Variants in WDR72 observed in about 807,000 individuals in gnomAD.
WDR72 encodes the protein WD repeat-containing protein 72.
Under a neutral mutation model 124.2 loss-of-function variants are expected in WDR72, and 120 were observed. That is an observed-to-expected ratio of 0.97 (90% confidence interval 0.83 to 1.12). The LOEUF (loss-of-function observed/expected upper bound fraction) is 1.12, where lower values mean the gene tolerates loss of function less well. Among genes scored for constraint, WDR72 ranks in the 50% most tolerant of loss-of-function variants. The pLI is 0.00. For missense variants in WDR72, 1,387 were observed against 1,278.8 expected (o/e 1.08, Z -1.29); for synonymous variants, 452 against 441.7 (o/e 1.02, Z -0.29).
At position 53,517,772 on chromosome 15, in the gene WDR72, A is replaced by G; in HGVS notation, c.3254-18T>C. 6.2e-7 allele frequency: 1 copy of G among 1,612,162 alleles called. No homozygotes were observed. Among genetic ancestry groups the G allele is most frequent in the Non-Finnish European group, 8.5e-7 (1 of 1,178,564 alleles). On this transcript the variant is annotated intron_variant, in intron 19 of 19. Transcript: ENST00000360509. ...TGGCTCACCTAGGAAAAAAGCAGAT[A>G]TCTTGGGTTATATGGTGAAATCTAA...
At chr15:53,548,859 A>G (rs1166691450) in intron 18 of WDR72, among the ~76,000 whole-genome samples, 1 of 152,172 alleles carries the variant, frequency 6.6e-6, no homozygotes, top group East Asian at 1.9e-4. Flanking sequence ...AGAGATTAGC[A>G]TAGACAGCAA....
At chr15:53,617,307 CAAAGGATATGAACCA>C (rs2013808173) in intron 14 of WDR72, among the ~76,000 whole-genome samples, 1 of 151,170 alleles carries the variant, frequency 6.6e-6, no homozygotes, top group Non-Finnish European at 1.5e-5. Flanking sequence ...AATAAAGTCA[CAAAGGATATGAACCA>C]AAATGTTAAC....
At chr15:53,757,250 A>C (rs2018932758) in intron 1 of WDR72, among the ~76,000 whole-genome samples, 1 of 152,136 alleles carries the variant, frequency 6.6e-6, no homozygotes, top group Admixed American at 6.5e-5. Context: ...GAATCTACAA[A>C]GCTTAACAAC....
intron 18 of WDR72, among the ~76,000 whole-genome samples, chr15:53,571,026 A>C (rs1159751261): frequency 1.3e-5 from 2 of 152,060 alleles, no homozygotes; most frequent in African/African-American, 4.8e-5. Context: ...GCCAAATACT[A>C]CAAATTAACT....
chr15:53,556,019 A>G (rs183639829), intron 18 of WDR72, among the ~76,000 whole-genome samples: 30 of 152,298 alleles, frequency 2.0e-4, no homozygotes, highest in Non-Finnish European at 2.5e-4. Context: ...CAAAATATAC[A>G]GTAAAATCTT....
chr15:53,616,304 T>G, intron 14 of WDR72, 61 bp from the exon 15 acceptor site: 1 of 1,437,930 alleles, frequency 7.0e-7, no homozygotes, highest in East Asian at 2.3e-5. Context: ...AAAGATTCCA[T>G]GATGTTAAAG....
chr15:53,659,714 AG>A (rs1300257441), intron 14 of WDR72, among the ~76,000 whole-genome samples: 2 of 149,676 alleles, frequency 1.3e-5, no homozygotes, highest in African/African-American at 5.0e-5. Context: ...AAAAAAAAAA[AG>A]GATTAGATAT....
intron 2 of WDR72, among the ~76,000 whole-genome samples, chr15:53,730,241 T>C (rs2140603210): frequency 6.6e-6 from 1 of 152,286 alleles, no homozygotes. Context: ...CTTGAAGACA[T>C]TATACTAAAT....
chr15:53,614,584 A>T (rs985893071), intron 15 of WDR72, among the ~76,000 whole-genome samples: 3 of 152,080 alleles, frequency 2.0e-5, no homozygotes, highest in African/African-American at 7.2e-5. Flanking sequence ...GCTTCCCTAA[A>T]GTGCACCAGA....
chr15:53,627,129 A>T (rs1372415642), intron 14 of WDR72, among the ~76,000 whole-genome samples: 1 of 152,238 alleles, frequency 6.6e-6, no homozygotes, highest in Non-Finnish European at 1.5e-5. Flanking sequence ...CATCTGGCAA[A>T]TAGCCCAACC....
chr15:53,572,249 T>G (rs2140306969), intron 18 of WDR72, among the ~76,000 whole-genome samples: 1 of 152,312 alleles, frequency 6.6e-6, no homozygotes, highest in Admixed American at 6.5e-5. Context: ...TTTGCTTTTT[T>G]TGACTGTGCT....
At chr15:53,597,466 GT>G (rs139430513) in intron 17 of WDR72, among the ~76,000 whole-genome samples, 192 bp from the exon 18 acceptor site, 5,378 of 152,064 alleles carry the variant, frequency 0.035, 159 homozygotes, top group Non-Finnish European at 0.057. Flanking sequence ...CTTTCACACT[GT>G]TTTTTTGCAA....
intron 18 of WDR72, among the ~76,000 whole-genome samples, 181 bp downstream of exon 18, chr15:53,596,898 T>C (rs994293743): frequency 6.6e-6 from 1 of 152,166 alleles, no homozygotes; most frequent in Non-Finnish European, 1.5e-5. Context: ...CTATGACCTT[T>C]TCAACTTACA....
At chr15:53,599,877 T>C (rs2012963971) in intron 17 of WDR72, among the ~76,000 whole-genome samples, 1 of 152,188 alleles carries the variant, frequency 6.6e-6, no homozygotes, top group East Asian at 1.9e-4. Flanking sequence ...ATTTTTTACA[T>C]AGTTGTCACC....
chr15:53,724,841 T>C (rs1007373490), intron 2 of WDR72, among the ~76,000 whole-genome samples: 1 of 152,162 alleles, frequency 6.6e-6, no homozygotes, highest in African/African-American at 2.4e-5. Flanking sequence ...TTAAAGTTAA[T>C]ATAAAAACGA....
intron 18 of WDR72, among the ~76,000 whole-genome samples, chr15:53,575,347 ATATTAGGC>A (rs1394979609): frequency 4.6e-5 from 7 of 152,158 alleles, no homozygotes; most frequent in African/African-American, 1.7e-4. Flanking sequence ...GACACTTTAT[ATATTAGGC>A]TATAATCAAT....
intron 18 of WDR72, among the ~76,000 whole-genome samples, chr15:53,546,509 T>G: frequency 6.8e-6 from 1 of 147,488 alleles, no homozygotes; most frequent in African/African-American, 2.5e-5. Flanking sequence ...CTCTGGGGAC[T>G]GTGGTGGGGT....
intron 9 of WDR72, among the ~76,000 whole-genome samples, chr15:53,707,005 C>T (rs1419543268): frequency 2.6e-5 from 4 of 152,186 alleles, no homozygotes; most frequent in Admixed American, 6.5e-5. Context: ...AGCTGTTCTT[C>T]GGGCAGGTTT....
chr15:53,543,714 C>T (rs62005881), intron 18 of WDR72, among the ~76,000 whole-genome samples: 37,547 of 151,426 alleles, frequency 0.25, 4,860 homozygotes, highest in African/African-American at 0.32. Flanking sequence ...GAGCTGTTTT[C>T]TGAAAAGATC....
Sources: allele counts gnomAD v4.1 joint callset (sites outside exome capture counted in the v4.1 genomes callset), GRCh38; gene constraint gnomAD v4.1.1; transcripts MANE v1.5; gene names NCBI Gene and HGNC (gene_info 2026-07-23, HGNC 2026-07-21).